FAM186B: variants seen among roughly 807,000 people sequenced by gnomAD.
FAM186B encodes the protein family with sequence similarity 186 member B, also known as protein FAM186B.
Under a neutral mutation model 83.4 loss-of-function variants are expected in FAM186B, and 68 were observed. The observed-to-expected ratio is 0.81, with a 90% CI of 0.67 to 1.00. The LOEUF is 1.00. Ranked by LOEUF, FAM186B falls within the 50% of genes least tolerant of loss-of-function variation. The pLI is 0.00. For missense variants in FAM186B, 983 were observed against 1,099.2 expected (o/e 0.89, Z 1.49); for synonymous variants, 389 against 422.0 (o/e 0.92, Z 0.96).
At chr12:49,594,155 C>T in intron 5 of FAM186B, 1 of 275,456 alleles carries the variant, frequency 3.6e-6, no homozygotes. Flanking sequence ...GGATGTCATG[C>T]AGAAAATGAA....
upstream of FAM186B, among the ~76,000 whole-genome samples, chr12:49,606,518 C>CACAG (rs1056488340): frequency 2.7e-5 from 4 of 150,412 alleles, no homozygotes; most frequent in African/African-American, 1.0e-4. Flanking sequence ...CACACACACA[C>CACAG]ACACACACAA....
chr12:49,616,076 C>T, the FAM186B span, among the ~76,000 whole-genome samples: 38 of 151,890 alleles, frequency 2.5e-4, no homozygotes, highest in Non-Finnish European at 1.5e-5. Flanking sequence ...GTCGCCCAAC[C>T]TGGAGTGCAG....
intron 1 of FAM186B, 78 bp from the exon 2 acceptor site, chr12:49,604,616 A>G: frequency 8.2e-7 from 1 of 1,220,654 alleles, no homozygotes; most frequent in Non-Finnish European, 1.2e-6. Context: ...GTGACCTTGG[A>G]CAAGTCGCTT....
At chr12:49,587,867 AGT>A in intron 6 of FAM186B, 115 bp from the exon 7 acceptor site, 1 of 1,152,032 alleles carries the variant, frequency 8.7e-7, no homozygotes, top group Middle Eastern at 2.8e-4. Context: ...TCTCAAATCG[AGT>A]GTGTCACTGC....
downstream of FAM186B, chr12:49,582,977 C>G (rs1939367577): frequency 2.2e-6 from 1 of 450,860 alleles, no homozygotes; most frequent in Non-Finnish European, 4.5e-6. Flanking sequence ...GAAATTGTTA[C>G]CAAAGCAGGA....
intron 6 of FAM186B, among the ~76,000 whole-genome samples, chr12:49,588,227 C>G (rs1225199923): frequency 6.6e-6 from 1 of 152,256 alleles, no homozygotes; most frequent in African/African-American, 2.4e-5. Context: ...TTGAAATGCA[C>G]TGGTCAGGCT....
chr12:49,586,914 C>G (rs759313856), downstream of FAM186B, among the ~76,000 whole-genome samples: 6 of 152,186 alleles, frequency 3.9e-5, no homozygotes, highest in Non-Finnish European at 8.8e-5. Context: ...TCTTCAGGCT[C>G]TTGGCTCTGG....
chr12:49,618,418 C>T, the FAM186B span, among the ~76,000 whole-genome samples: 1 of 151,340 alleles, frequency 6.6e-6, no homozygotes, highest in Non-Finnish European at 1.5e-5. Context: ...TGCTTCCAGT[C>T]AGCTTTTAGG....
intron 2 of FAM186B, among the ~76,000 whole-genome samples, chr12:49,603,584 C>G (rs971581385): frequency 2.0e-5 from 3 of 152,184 alleles, no homozygotes; most frequent in African/African-American, 7.2e-5. Flanking sequence ...ACATGTGGAA[C>G]AGTTAACATG....
At position 49,603,274 on chromosome 12, in the gene FAM186B, G is replaced by A. The variant is rs141652917; in HGVS notation, c.416C>T (p.Pro139Leu). ...EWIEVTEKVL[P>L]LSLIATKRGI... is the part of the protein sequence containing the mutation. ...TCTTTTGGTGGCAATGAGGGACAGC[G>A]GTAACACTTTCTCCGTCACTTCAAT... The change falls in exon 3 of 7, where the codon CCG (proline) becomes CTG (leucine). Residue 139 changes from proline to leucine, a missense_variant. Coordinates refer to ENST00000257894, the MANE Select transcript of FAM186B (RefSeq NM_032130.3). The A allele has an allele frequency of 1.6e-4, 252 of 1,614,194 alleles. No individual in the cohort carries two copies. The African/African-American group carries it at 3.0e-3, about 19-fold the overall frequency.
chr12:49,619,667 C>CTTTTTT, the FAM186B span: 11 of 145,994 alleles, frequency 7.5e-5, no homozygotes, highest in South Asian at 3.3e-4. Flanking sequence ...TTAGACATCT[C>CTTTTTT]TTTTTTTTTT....
chr12:49,595,958 T>C (rs1939710359), intron 5 of FAM186B, among the ~76,000 whole-genome samples: 1 of 152,196 alleles, frequency 6.6e-6, no homozygotes, highest in Non-Finnish European at 1.5e-5. Flanking sequence ...CACTCCAGCC[T>C]GGGCGACAGA....
intron 5 of FAM186B, among the ~76,000 whole-genome samples, chr12:49,596,167 CAG>C (rs1004043404): frequency 3.3e-5 from 5 of 152,168 alleles, no homozygotes; most frequent in South Asian, 2.1e-4. Flanking sequence ...CACAACTACA[CAG>C]AGATTTCTCA....
At chr12:49,613,266 G>A in the FAM186B span, among the ~76,000 whole-genome samples, 1 of 151,858 alleles carries the variant, frequency 6.6e-6, no homozygotes, top group Non-Finnish European at 1.5e-5. Flanking sequence ...AGTGGTTCAC[G>A]CCTGTAATCC....
chr12:49,614,169 A>AAAAAC, the FAM186B span, among the ~76,000 whole-genome samples: 1 of 152,090 alleles, frequency 6.6e-6, no homozygotes, highest in Admixed American at 6.5e-5. Flanking sequence ...AAAAAAATTA[A>AAAAAC]AAAACAAAAC....
downstream of FAM186B, chr12:49,587,405 C>T: frequency 1.5e-6 from 1 of 649,526 alleles, no homozygotes; most frequent in South Asian, 1.9e-5. Context: ...TTCACCAGAA[C>T]CGAAGTGCTG....
At chr12:49,588,091 G>C (rs1939490785) in intron 6 of FAM186B, among the ~76,000 whole-genome samples, 1 of 152,332 alleles carries the variant, frequency 6.6e-6, no homozygotes, top group East Asian at 1.9e-4. Flanking sequence ...GAGCCTGCAG[G>C]TCACATGGTG....
the FAM186B span, among the ~76,000 whole-genome samples, chr12:49,620,708 T>C: frequency 6.6e-6 from 1 of 152,228 alleles, no homozygotes; most frequent in Non-Finnish European, 1.5e-5. Flanking sequence ...TGTAGATATC[T>C]GTATTTGCTG....
chr12:49,620,017 C>T, the FAM186B span, among the ~76,000 whole-genome samples: 3 of 152,178 alleles, frequency 2.0e-5, no homozygotes, highest in African/African-American at 7.2e-5. Context: ...TTAAAATAAA[C>T]TATTTGAGTG....
Sources: gnomAD v4.1 joint callset for allele counts (sites outside exome capture counted in the v4.1 genomes callset) on GRCh38, gnomAD v4.1.1 for gene constraint, MANE v1.5 for transcripts, NCBI Gene and HGNC (gene_info 2026-07-23, HGNC 2026-07-21) for gene names.